The following NRXN3 variants were observed in gnomAD, a reference collection of about 807,000 sequenced individuals.
The protein encoded by NRXN3 is neurexin III.
In NRXN3, 32 loss-of-function variants were observed where a neutral mutation model predicts 137.6. The ratio of observed to expected loss-of-function variants is 0.23; its 90% CI spans 0.18 to 0.31. NRXN3 has a LOEUF of 0.31. NRXN3 is among the 10% of genes least tolerant of loss of function. NRXN3 has a pLI of 1.00. For missense variants in NRXN3, 1,574 were observed against 2,062.5 expected, an observed-to-expected ratio of 0.76 and a Z score of 4.59; for synonymous variants, 798 against 784.5, an observed-to-expected ratio of 1.02 and a Z score of -0.29.
intron 8 of NRXN3, among the ~76,000 whole-genome samples, chr14:78,733,279 AG>A (rs1477389470): frequency 6.6e-6 from 1 of 152,154 alleles, no homozygotes; most frequent in Non-Finnish European, 1.5e-5. Context: ...TGATAGGTTC[AG>A]GGCACAGGTA....
intron 15 of NRXN3, among the ~76,000 whole-genome samples, chr14:79,272,223 T>TG (rs947916173): frequency 6.6e-6 from 1 of 151,558 alleles, no homozygotes; most frequent in Non-Finnish European, 1.5e-5. Context: ...TAGGTTTTTT[T>TG]TTTTTTTTTT....
At chr14:78,528,278 G>A (rs2096409350) in intron 4 of NRXN3, among the ~76,000 whole-genome samples, 1 of 152,120 alleles carries the variant, frequency 6.6e-6, no homozygotes, top group Admixed American at 6.5e-5. Flanking sequence ...GATTTTCAGT[G>A]GTTTTGCCTT....
intron 20 of NRXN3, among the ~76,000 whole-genome samples, chr14:79,817,817 G>A (rs1234821548): frequency 6.6e-6 from 1 of 152,092 alleles, no homozygotes; most frequent in Non-Finnish European, 1.5e-5. Flanking sequence ...ACATGGTTGG[G>A]AAGTAGTTGA....
chr14:79,414,154 C>G (rs1599924112), intron 15 of NRXN3, among the ~76,000 whole-genome samples: 1 of 152,060 alleles, frequency 6.6e-6, no homozygotes, highest in African/African-American at 2.4e-5. Flanking sequence ...TTTGTTTTCT[C>G]TCTTGCATGC....
intron 2 of NRXN3, among the ~76,000 whole-genome samples, chr14:78,274,869 T>G (rs1463008273): frequency 1.3e-5 from 2 of 152,300 alleles, no homozygotes; most frequent in East Asian, 3.9e-4. Context: ...TTCATCAGGA[T>G]TACTTTTTCC....
At position 78,336,110 on chromosome 14, in the gene NRXN3, A is replaced by G. The variant is rs1460474427; in HGVS notation, c.757+38250A>G. ...CCCCACCCCCATAGAGTATGATTCA[A>G]TAGGTTTGGAGTTGTGGCCAGGTAT... On this transcript the variant is annotated intron_variant, in intron 4 of 20. Transcript: ENST00000335750. Among the ~76,000 whole-genome samples, 5 of 152,142 alleles carry G rather than the reference A, an allele frequency of 3.3e-5. No homozygotes were observed. The South Asian group carries it at 6.2e-4, about 19-fold the overall frequency.
chr14:78,418,758 G>A lies in NRXN3; in HGVS notation c.757+120898G>A, dbSNP rs541737263. On this transcript the variant is annotated intron_variant, in intron 4 of 20. Transcript: ENST00000335750. ...TTAATAATAATGATGTACATATATT[G>A]GATGTGTTCAACATGCCAGGCACCA... is the stretch of plus-strand genomic sequence containing the variant. Among the ~76,000 whole-genome samples the A allele has an allele frequency of 7.5e-4, 114 of 152,256 alleles. 1 individual carries two copies. Among genetic ancestry groups the A allele is most frequent in the African/African-American group, 2.5e-3 (105 of 41,558 alleles).
At chr14:78,759,496 C>A (rs368838657) in intron 8 of NRXN3, among the ~76,000 whole-genome samples, 1 of 152,104 alleles carries the variant, frequency 6.6e-6, no homozygotes, top group Non-Finnish European at 1.5e-5. Context: ...ATAAATATAT[C>A]GCTGAGTTCT....
At chr14:78,577,083 T>C (rs905587673) in intron 4 of NRXN3, among the ~76,000 whole-genome samples, 13 of 152,206 alleles carry the variant, frequency 8.5e-5, no homozygotes, top group Admixed American at 5.2e-4. Flanking sequence ...TCTGGTCTAC[T>C]TACCTTCTTC....
intron 10 of NRXN3, among the ~76,000 whole-genome samples, chr14:78,816,351 C>T (rs971758856): frequency 6.6e-5 from 10 of 152,194 alleles, no homozygotes; most frequent in Non-Finnish European, 8.8e-5. Flanking sequence ...GAGTATACAA[C>T]ATATAATTAT....
intron 4 of NRXN3, among the ~76,000 whole-genome samples, chr14:78,320,128 G>T (rs1291758295): frequency 6.6e-6 from 1 of 152,212 alleles, no homozygotes; most frequent in African/African-American, 2.4e-5. Context: ...ACAGCTGTAA[G>T]TAGAGCTAGT....
intron 15 of NRXN3, among the ~76,000 whole-genome samples, chr14:79,338,224 T>A (rs2092393838): frequency 1.4e-5 from 2 of 146,568 alleles, no homozygotes; most frequent in African/African-American, 5.3e-5. Flanking sequence ...TGTGAGTGTG[T>A]GTGTGTGTGT....
At chr14:78,779,150 T>C (rs1338236021) in intron 8 of NRXN3, among the ~76,000 whole-genome samples, 1 of 152,034 alleles carries the variant, frequency 6.6e-6, no homozygotes, top group Non-Finnish European at 1.5e-5. Context: ...TATCAGCAAA[T>C]TTAATTCGGT....
chr14:78,532,212 T>A (rs1422025245), intron 4 of NRXN3, among the ~76,000 whole-genome samples: 7 of 149,486 alleles, frequency 4.7e-5, no homozygotes, highest in Non-Finnish European at 1.0e-4. Flanking sequence ...TCCCAGCTAC[T>A]CGGGAGGCTG....
chr14:78,809,922 C>A (rs1567377640), intron 9 of NRXN3, among the ~76,000 whole-genome samples: 1 of 151,452 alleles, frequency 6.6e-6, no homozygotes, highest in Non-Finnish European at 1.5e-5. Context: ...ATATAACCTG[C>A]ATTTGGTGGG....
chr14:78,469,468 G>A (rs935411269), intron 4 of NRXN3, among the ~76,000 whole-genome samples: 15 of 152,236 alleles, frequency 9.9e-5, no homozygotes, highest in African/African-American at 2.9e-4. Context: ...ATGTTTTCAG[G>A]GTTGCAAGCC....
intron 4 of NRXN3, among the ~76,000 whole-genome samples, chr14:78,439,572 G>A (rs1353963228): frequency 6.6e-6 from 1 of 152,244 alleles, no homozygotes; most frequent in Non-Finnish European, 1.5e-5. Flanking sequence ...ATCCCAGGAA[G>A]TCTGAGTTCA....
intron 4 of NRXN3, among the ~76,000 whole-genome samples, chr14:78,634,578 T>C (rs1201006198): frequency 3.3e-5 from 5 of 152,232 alleles, no homozygotes; most frequent in Non-Finnish European, 7.3e-5. Flanking sequence ...GAACCTATAG[T>C]AGAGGATATT....
chr14:79,307,685 G>T (rs367781552), intron 15 of NRXN3, among the ~76,000 whole-genome samples: 22 of 152,052 alleles, frequency 1.4e-4, no homozygotes, highest in Admixed American at 1.1e-3. Context: ...GAAGGCTTTC[G>T]TTCTCCAGCA....
Sources: gnomAD v4.1 joint callset for allele counts (sites outside exome capture counted in the v4.1 genomes callset) on GRCh38, gnomAD v4.1.1 for gene constraint, MANE v1.5 for transcripts, NCBI Gene and HGNC (gene_info 2026-07-23, HGNC 2026-07-21) for gene names.